The following RIT2 variants were observed in gnomAD, a reference collection of about 807,000 sequenced individuals.
The protein encoded by RIT2 is GTP-binding protein Rit2.
Under a neutral mutation model 23.7 loss-of-function variants are expected in RIT2, and 24 were observed. The observed-to-expected ratio is 1.01, with a 90% CI of 0.73 to 1.43. The LOEUF (loss-of-function observed/expected upper bound fraction) is 1.43, where lower values mean the gene tolerates loss of function less well. Ranked by LOEUF, RIT2 falls within the 40% of genes most tolerant of loss-of-function variation. The pLI, the probability that RIT2 is intolerant of heterozygous loss-of-function variation, is 0.00. For missense variants in RIT2, 236 were observed against 266.9 expected (o/e 0.88, Z 0.81); for synonymous variants, 107 against 91.1 (o/e 1.17, Z -0.99).
At chr18:42,763,000 C>T (rs192931904) in intron 4 of RIT2, among the ~76,000 whole-genome samples, 41 of 152,286 alleles carry the variant, frequency 2.7e-4, no homozygotes, top group African/African-American at 5.1e-4. Context: ...CAAACTTAGA[C>T]GGTACAACTT....
intron 4 of RIT2, among the ~76,000 whole-genome samples, chr18:42,883,293 T>G (rs1907941980): frequency 6.6e-6 from 1 of 152,334 alleles, no homozygotes; most frequent in South Asian, 2.1e-4. Flanking sequence ...AGGAAGCTGG[T>G]GATCTAATAT....
chr18:42,989,703 A>T (rs1420306442), intron 2 of RIT2, among the ~76,000 whole-genome samples: 1 of 152,190 alleles, frequency 6.6e-6, no homozygotes, highest in Non-Finnish European at 1.5e-5. Context: ...GAGAGAAAGG[A>T]TCACTTGCTG....
chr18:42,863,573 T>TAC (rs1907387333), intron 4 of RIT2, among the ~76,000 whole-genome samples: 1 of 152,152 alleles, frequency 6.6e-6, no homozygotes, highest in Non-Finnish European at 1.5e-5. Context: ...TTGAACCTCT[T>TAC]ATAAGCAGTA....
At chr18:42,830,659 A>C (rs750846438) in intron 4 of RIT2, among the ~76,000 whole-genome samples, 1 of 152,194 alleles carries the variant, frequency 6.6e-6, no homozygotes, top group African/African-American at 2.4e-5. Context: ...AGGGCTGCCA[A>C]ATGAGACTAG....
At chr18:42,879,532 GTTTTA>G (rs1351807509) in intron 4 of RIT2, among the ~76,000 whole-genome samples, 3 of 139,342 alleles carry the variant, frequency 2.2e-5, no homozygotes, top group East Asian at 3.9e-4. Flanking sequence ...CTTCTTTTTT[GTTTTA>G]TTTGTTTTTG....
Position 42,943,702 on chromosome 18 carries a change from T to C in RIT2, c.235-19939A>G. 1.3e-5 allele frequency among the ~76,000 whole-genome samples: 2 copies of C among 152,168 alleles called. 1 individual carries two copies. Among genetic ancestry groups the C allele is most frequent in the Non-Finnish European group, 2.9e-5 (2 of 68,020 alleles). ...GTCATAGGAAGTTAATTCTTGTTTG[T>C]ATATATTAGCCTATGGTAGAATTGG... On this transcript the variant is annotated intron_variant, in intron 3 of 4. Coordinates refer to ENST00000326695, the MANE Select transcript of RIT2 (RefSeq NM_002930.4).
intron 1 of RIT2, among the ~76,000 whole-genome samples, chr18:43,086,112 T>C (rs1191046235): frequency 6.6e-6 from 1 of 152,200 alleles, no homozygotes; most frequent in Non-Finnish European, 1.5e-5. Context: ...TTCAGATTTG[T>C]TCAGATTTTT....
At chr18:42,813,421 A>T (rs2143980239) in intron 4 of RIT2, among the ~76,000 whole-genome samples, 1 of 152,232 alleles carries the variant, frequency 6.6e-6, no homozygotes, top group Admixed American at 6.5e-5. Context: ...ATTGTCCATT[A>T]TTCTGAATTT....
intron 4 of RIT2, among the ~76,000 whole-genome samples, chr18:42,765,132 G>A (rs1215087771): frequency 6.6e-6 from 1 of 152,174 alleles, no homozygotes; most frequent in African/African-American, 2.4e-5. Flanking sequence ...AATTGGTAGG[G>A]TGAATGTTTT....
At chr18:42,909,072 A>C (rs1241777762) in intron 4 of RIT2, among the ~76,000 whole-genome samples, 1 of 152,254 alleles carries the variant, frequency 6.6e-6, no homozygotes, top group Non-Finnish European at 1.5e-5. Context: ...ATGGAACCAA[A>C]CTAAGTGCCC....
intron 4 of RIT2, among the ~76,000 whole-genome samples, chr18:42,873,457 G>C (rs1907669844): frequency 6.6e-6 from 1 of 152,008 alleles, no homozygotes; most frequent in South Asian, 2.1e-4. Flanking sequence ...GAATGTGAGA[G>C]AAATTCTTAT....
intron 4 of RIT2, among the ~76,000 whole-genome samples, chr18:42,783,979 T>G (rs950967597): frequency 1.3e-5 from 2 of 152,060 alleles, no homozygotes; most frequent in Non-Finnish European, 2.9e-5. Flanking sequence ...CTCCTGTACT[T>G]CTAGATATTA....
intron 4 of RIT2, among the ~76,000 whole-genome samples, chr18:42,765,589 G>A (rs2143906961): frequency 6.6e-6 from 1 of 152,292 alleles, no homozygotes. Flanking sequence ...CAAAACCCAA[G>A]CCCCAGGGAA....
chr18:43,001,454 T>TA (rs1279060864), intron 2 of RIT2, among the ~76,000 whole-genome samples: 28 of 152,096 alleles, frequency 1.8e-4, no homozygotes, highest in African/African-American at 6.7e-4. Context: ...AGACGGGTTT[T>TA]ATTGAAAGAA....
chr18:42,986,086 C>T lies in RIT2; in HGVS notation c.161-11939G>A, dbSNP rs368951592. ...TGGAGTGTGGCTCTCATTGCCTAGG[C>T]TGGAGTGTAGTGGCATGATCTCGGC... On this transcript the variant is annotated intron_variant, in intron 2 of 4. Transcript: ENST00000326695. Among the ~76,000 whole-genome samples, 5 of 148,788 alleles carry T rather than the reference C, an allele frequency of 3.4e-5. No homozygotes were observed. The East Asian group carries it at 7.9e-4, about 23-fold the overall frequency.
chr18:42,773,346 G>C (rs912998431), intron 4 of RIT2, among the ~76,000 whole-genome samples: 1 of 152,128 alleles, frequency 6.6e-6, no homozygotes, highest in East Asian at 1.9e-4. Context: ...CAGAGTGATA[G>C]CATTAAGAAA....
intron 1 of RIT2, among the ~76,000 whole-genome samples, chr18:43,037,649 T>C (rs1912011447): frequency 6.6e-6 from 1 of 152,102 alleles, no homozygotes; most frequent in South Asian, 2.1e-4. Context: ...TTTCAAAGCT[T>C]TACCAATCTT....
In RIT2 at chr18:42,866,111, T is replaced by C. The variant is rs537288432; in HGVS notation, c.426+57461A>G. Among the ~76,000 whole-genome samples, 7 of 152,306 alleles carry C rather than the reference T, an allele frequency of 4.6e-5. No homozygotes were observed. In the East Asian group the frequency reaches 1.4e-3, roughly 29 times the overall value. On this transcript the variant is annotated intron_variant, in intron 4 of 4. Coordinates refer to ENST00000326695, the MANE Select transcript of RIT2 (RefSeq NM_002930.4). ...CATAGATAAAGCAATTGACAAAAGA[T>C]GCCTTGGACCTGAGTGGGTGTTTAT...
At chr18:43,048,271 A>G (rs1912295265) in intron 1 of RIT2, among the ~76,000 whole-genome samples, 1 of 152,212 alleles carries the variant, frequency 6.6e-6, no homozygotes, top group Non-Finnish European at 1.5e-5. Context: ...TAAACATGAC[A>G]TTAAGTGTAG....
Sources: gnomAD v4.1 joint callset for allele counts (sites outside exome capture counted in the v4.1 genomes callset) on GRCh38, gnomAD v4.1.1 for gene constraint, MANE v1.5 for transcripts, NCBI Gene and HGNC (gene_info 2026-07-23, HGNC 2026-07-21) for gene names.